CNTN4: variants seen among roughly 807,000 people sequenced by gnomAD.
CNTN4 encodes the protein contactin 4.
Under a neutral mutation model 122.5 loss-of-function variants are expected in CNTN4, and 77 were observed. The ratio of observed to expected loss-of-function variants is 0.63; its 90% CI spans 0.52 to 0.76. The LOEUF (loss-of-function observed/expected upper bound fraction) is 0.76. Among genes scored for constraint, CNTN4 ranks in the 30% least tolerant of loss-of-function variants. The probability of loss-of-function intolerance (pLI) is 0.00; values close to 1 mark genes in which losing one functional copy is unlikely to be tolerated. For missense variants in CNTN4, 1,256 were observed against 1,259.1 expected (o/e 1.00, Z 0.04); for synonymous variants, 512 against 447.0 (o/e 1.15, Z -1.83).
chr3:2,238,735 G>GTTTTTTTTTTTTTGTTTT (rs66733341), intron 2 of CNTN4: 1 of 78,870 alleles, frequency 1.3e-5, no homozygotes. Context: ...TTGGCTCTGT[G>GTTTTTTTTTTTTTGTTTT]TTTTTTTTTT....
intron 3 of CNTN4, among the ~76,000 whole-genome samples, chr3:2,443,982 A>G (rs2048526874): frequency 6.6e-6 from 1 of 152,154 alleles, no homozygotes; most frequent in African/African-American, 2.4e-5. Context: ...TCATTTTGTC[A>G]GGAAACCCTT....
chr3:2,261,550 A>G (rs1272961799), intron 2 of CNTN4, among the ~76,000 whole-genome samples: 4 of 152,196 alleles, frequency 2.6e-5, no homozygotes, highest in Non-Finnish European at 5.9e-5. Context: ...ACTTTCTACT[A>G]TTTTATTTTA....
rs138860947 is a variant in CNTN4 at position 2,114,797 on chromosome 3, A to G, written c.-145+14158A>G. 2.1e-4 allele frequency among the ~76,000 whole-genome samples: 32 copies of G among 152,310 alleles called. No homozygotes were observed. In the East Asian group the frequency reaches 6.0e-3, roughly 29 times the overall value. On this transcript the variant is annotated intron_variant, in intron 2 of 24. Transcript: ENST00000418658. ...CACTGCAAGATTTATATGACAAGGT[A>G]TACAGTGCTGATCTGCTGACCAATA...
At chr3:2,297,921 A>G (rs560954300) in intron 2 of CNTN4, among the ~76,000 whole-genome samples, 7 of 152,240 alleles carry the variant, frequency 4.6e-5, no homozygotes, top group African/African-American at 1.7e-4. Flanking sequence ...TGCTAGAGAC[A>G]GGGTTTCACT....
chr3:2,957,255 C>T (rs1475658758), intron 13 of CNTN4, among the ~76,000 whole-genome samples: 1 of 152,116 alleles, frequency 6.6e-6, no homozygotes, highest in Non-Finnish European at 1.5e-5. Context: ...TTCCTATCAG[C>T]AGTGTACAAG....
chr3:2,540,412 C>T (rs984778373), intron 3 of CNTN4, among the ~76,000 whole-genome samples: 8 of 151,868 alleles, frequency 5.3e-5, no homozygotes, highest in South Asian at 2.1e-4. Flanking sequence ...AAACAGAAAG[C>T]GGCCGACTGA....
intron 2 of CNTN4, among the ~76,000 whole-genome samples, chr3:2,272,204 CT>C (rs2041325793): frequency 6.6e-6 from 1 of 151,988 alleles, no homozygotes; most frequent in African/African-American, 2.4e-5. Flanking sequence ...CAGCTTACTA[CT>C]GTAGCTATTA....
chr3:2,335,868 G>T (rs983500990), intron 2 of CNTN4, among the ~76,000 whole-genome samples: 1 of 152,050 alleles, frequency 6.6e-6, no homozygotes, highest in Non-Finnish European at 1.5e-5. Context: ...TTATTTTGGC[G>T]TAACCCTTAG....
At chr3:2,718,895 G>A (rs2087663272) in intron 4 of CNTN4, among the ~76,000 whole-genome samples, 1 of 152,096 alleles carries the variant, frequency 6.6e-6, no homozygotes, top group African/African-American at 2.4e-5. Context: ...TTGGATCAGG[G>A]ATTTTTAACC....
At chr3:2,981,965 G>A (rs1694066857) in intron 13 of CNTN4, among the ~76,000 whole-genome samples, 1 of 152,096 alleles carries the variant, frequency 6.6e-6, no homozygotes, top group East Asian at 1.9e-4. Flanking sequence ...ATGTACCCAG[G>A]AGTTGGAAGT....
intron 12 of CNTN4, among the ~76,000 whole-genome samples, chr3:2,917,605 A>G (rs1264450167): frequency 6.6e-6 from 1 of 152,168 alleles, no homozygotes; most frequent in Non-Finnish European, 1.5e-5. Flanking sequence ...TCTGTCTTGT[A>G]GTGGATGGAG....
At chr3:2,503,682 A>G (rs1414504768) in intron 3 of CNTN4, among the ~76,000 whole-genome samples, 1 of 152,134 alleles carries the variant, frequency 6.6e-6, no homozygotes, top group Non-Finnish European at 1.5e-5. Flanking sequence ...TCTCTAAAAG[A>G]TTGAGAGGAT....
At chr3:2,949,578 A>G (rs2094716254) in intron 13 of CNTN4, among the ~76,000 whole-genome samples, 1 of 152,046 alleles carries the variant, frequency 6.6e-6, no homozygotes, top group Admixed American at 6.6e-5. Context: ...CAAGAATCAG[A>G]ATTTTCCTAT....
chr3:2,442,376 A>C (rs780225330), intron 3 of CNTN4, among the ~76,000 whole-genome samples: 3 of 152,212 alleles, frequency 2.0e-5, no homozygotes, highest in Non-Finnish European at 4.4e-5. Context: ...TCAAGAGATA[A>C]AATGAGTTAT....
At chr3:3,028,877 C>T (rs1438647985) in intron 15 of CNTN4, among the ~76,000 whole-genome samples, 2 of 152,130 alleles carry the variant, frequency 1.3e-5, no homozygotes, top group Non-Finnish European at 2.9e-5. Flanking sequence ...CTACCACACT[C>T]AGATTGCAAA....
At chr3:2,929,652 C>CT (rs1559680699) in intron 13 of CNTN4, among the ~76,000 whole-genome samples, 1 of 152,150 alleles carries the variant, frequency 6.6e-6, no homozygotes, top group African/African-American at 2.4e-5. Context: ...GCACCTTTGG[C>CT]TGTTTTGGCT....
At chr3:2,461,485 AGGCTGGCCAGCTACTAAGC>A (rs1441434002) in intron 3 of CNTN4, among the ~76,000 whole-genome samples, 1 of 152,158 alleles carries the variant, frequency 6.6e-6, no homozygotes, top group Non-Finnish European at 1.5e-5. Flanking sequence ...GATCTCTCCC[AGGCTGGCCAGCTACTAAGC>A]GGTAGATCCA....
At chr3:2,256,943 A>C (rs1198392592) in intron 2 of CNTN4, among the ~76,000 whole-genome samples, 1 of 152,210 alleles carries the variant, frequency 6.6e-6, no homozygotes, top group Middle Eastern at 3.2e-3. Context: ...AACTGCTTTA[A>C]ATTTTGTATG....
chr3:2,227,406 G>C (rs934613678), intron 2 of CNTN4, among the ~76,000 whole-genome samples: 4 of 152,010 alleles, frequency 2.6e-5, no homozygotes, highest in African/African-American at 9.7e-5. Context: ...CAGCTTCATA[G>C]TCTCATCATA....
Sources: gnomAD v4.1 joint callset for allele counts (sites outside exome capture counted in the v4.1 genomes callset) on GRCh38, gnomAD v4.1.1 for gene constraint, MANE v1.5 for transcripts, NCBI Gene and HGNC (gene_info 2026-07-23, HGNC 2026-07-21) for gene names.